The following PLXNA4 variants were observed in gnomAD, a reference collection of about 807,000 sequenced individuals.
PLXNA4 encodes plexin A4, also known as plexin-A4.
In PLXNA4, 44 loss-of-function variants were observed where a neutral mutation model predicts 191.8. The observed-to-expected ratio is 0.23, with a 90% CI of 0.18 to 0.29. The LOEUF is 0.29. PLXNA4 is among the 10% of genes least tolerant of loss of function. The probability of loss-of-function intolerance (pLI) is 1.00; values close to 1 mark genes in which losing one functional copy is unlikely to be tolerated. For missense variants in PLXNA4, 1,800 were observed against 2,488.8 expected (o/e 0.72, Z 5.89); for synonymous variants, 1,082 against 1,009.5 (o/e 1.07, Z -1.36).
intron 4 of PLXNA4, among the ~76,000 whole-genome samples, chr7:132,268,455 A>G (rs1049477975): frequency 2.0e-5 from 3 of 152,142 alleles, no homozygotes; most frequent in Admixed American, 6.5e-5. Flanking sequence ...ACCCTCATCC[A>G]GTTTCACCAT....
intron 2 of PLXNA4, among the ~76,000 whole-genome samples, chr7:132,616,806 C>A (rs146930227): frequency 6.6e-6 from 1 of 152,156 alleles, no homozygotes; most frequent in African/African-American, 2.4e-5. Flanking sequence ...GGCCCTTTCA[C>A]GGGTCATCTC....
In PLXNA4 at chr7:132,211,014, T is replaced by C. The variant is rs1797782338; in HGVS notation, c.2227A>G (p.Ile743Val). ...GQRGYECILN[I>V]QGSEQRVPAL... ...GGCACTCGCTGCTCGCTGCCCTGAA[T>C]GTTGAGGATGCATTCGTAGCCACGC... The change falls in exon 10 of 32, where the codon ATT becomes GTT. Residue 743 changes from isoleucine to valine, a missense_variant. Coordinates refer to ENST00000321063, the MANE Select transcript of PLXNA4 (RefSeq NM_020911.2). 1 of 1,613,972 alleles carries C rather than the reference T, an allele frequency of 6.2e-7. No homozygotes were observed. The highest frequency in any genetic ancestry group is 1.3e-5 in the African/African-American group (1 of 74,912).
intron 31 of PLXNA4, among the ~76,000 whole-genome samples, chr7:132,131,090 C>G (rs1794913518): frequency 6.6e-6 from 1 of 152,176 alleles, no homozygotes; most frequent in South Asian, 2.1e-4. Context: ...TTCACTTTGC[C>G]TGTTAAAAAA....
intron 8 of PLXNA4, 75 bp downstream of exon 8, chr7:132,226,086 A>G: frequency 7.3e-7 from 1 of 1,371,206 alleles, no homozygotes; most frequent in Non-Finnish European, 1.0e-6. Context: ...CCCTGGGAAT[A>G]GTGATGGGGT....
chr7:132,622,610 C>G (rs1395565308), intron 2 of PLXNA4, among the ~76,000 whole-genome samples: 1 of 152,098 alleles, frequency 6.6e-6, no homozygotes, highest in Non-Finnish European at 1.5e-5. Context: ...CTTCCATTTT[C>G]TGGTCCCCAC....
intron 1 of PLXNA4, among the ~76,000 whole-genome samples, chr7:132,562,926 C>T (rs1313347712): frequency 4.5e-5 from 4 of 89,714 alleles, no homozygotes; most frequent in East Asian, 3.7e-4. Flanking sequence ...CCTCCTCCTC[C>T]TCTCCCTCCT....
At chr7:132,309,640 C>T (rs1801653543) in intron 3 of PLXNA4, among the ~76,000 whole-genome samples, 2 of 152,182 alleles carry the variant, frequency 1.3e-5, no homozygotes, top group South Asian at 4.1e-4. Context: ...CCATGTTCCT[C>T]TCCTGCTGGA....
intron 3 of PLXNA4, among the ~76,000 whole-genome samples, chr7:132,302,102 G>A (rs12707032): frequency 0.15 from 22,308 of 152,178 alleles, 2,044 homozygotes; most frequent in Admixed American, 0.28. Flanking sequence ...ATGGGACTTC[G>A]GGCAGTTTGG....
At position 132,484,817 on chromosome 7, in the gene PLXNA4, T is replaced by C. The variant is rs555410851; in HGVS notation, c.1371+4475A>G. 7.4e-6 allele frequency: 12 copies of C among 1,613,994 alleles called. No individual in the cohort carries two copies. The South Asian group carries it at 1.3e-4, about 18-fold the overall frequency. On this transcript the variant is annotated intron_variant, in intron 3 of 31. Transcript: ENST00000321063. ...TGGATTCAAATTTCCAGAGTAATTT[T>C]AGGAAGAATTCCCAGGTACATTTAG... is the stretch of plus-strand genomic sequence containing the variant.
At chr7:132,338,697 GACC>G (rs1802911164) in intron 3 of PLXNA4, among the ~76,000 whole-genome samples, 1 of 152,144 alleles carries the variant, frequency 6.6e-6, no homozygotes, top group Non-Finnish European at 1.5e-5. Context: ...ATTACTTAGT[GACC>G]ACATTATAAA....
At chr7:132,185,709 GT>G (rs973167254) in intron 15 of PLXNA4, among the ~76,000 whole-genome samples, 1 of 152,314 alleles carries the variant, frequency 6.6e-6, no homozygotes, top group East Asian at 1.9e-4. Flanking sequence ...GTCTAGCCTT[GT>G]TTTTTAGCAA....
intron 1 of PLXNA4, among the ~76,000 whole-genome samples, chr7:132,544,177 C>A (rs891996405): frequency 2.6e-5 from 4 of 152,176 alleles, no homozygotes; most frequent in African/African-American, 9.7e-5. Flanking sequence ...AAGCCACAAC[C>A]CACCCATCCT....
intron 4 of PLXNA4, among the ~76,000 whole-genome samples, chr7:132,275,306 C>A (rs1249748455): frequency 1.3e-5 from 2 of 152,114 alleles, no homozygotes; most frequent in Non-Finnish European, 2.9e-5. Context: ...CCCAGCTTCC[C>A]CCAATGGTTA....
intron 2 of PLXNA4, among the ~76,000 whole-genome samples, chr7:132,623,363 TA>T (rs1392428859): frequency 2.0e-5 from 3 of 148,066 alleles, no homozygotes; most frequent in Non-Finnish European, 4.5e-5. Context: ...TAAAATAAAA[TA>T]AAGAAAGAAA....
chr7:132,262,475 G>A (rs1375265581), intron 4 of PLXNA4, among the ~76,000 whole-genome samples: 1 of 152,070 alleles, frequency 6.6e-6, no homozygotes, highest in South Asian at 2.1e-4. Context: ...TTCCATGGAG[G>A]GGGTAAAGAG....
At chr7:132,298,357 C>T (rs376802821) in intron 3 of PLXNA4, 135 bp from the exon 4 acceptor site, 1 of 1,221,674 alleles carries the variant, frequency 8.2e-7, no homozygotes, top group African/African-American at 1.5e-5. Flanking sequence ...AGGCTAAAGC[C>T]AAGGAGTGGA....
chr7:132,441,607 T>C (rs1345183513), intron 3 of PLXNA4, among the ~76,000 whole-genome samples: 2 of 152,226 alleles, frequency 1.3e-5, no homozygotes, highest in African/African-American at 2.4e-5. Flanking sequence ...AAGCTCAGTG[T>C]TTTTAGGTAG....
chr7:132,297,404 C>A (rs990637027), intron 4 of PLXNA4, among the ~76,000 whole-genome samples: 1 of 152,166 alleles, frequency 6.6e-6, no homozygotes, highest in Non-Finnish European at 1.5e-5. Flanking sequence ...CCTTTGCCTG[C>A]TGCAGACATA....
chr7:132,308,825 T>C (rs1438283569), intron 3 of PLXNA4, among the ~76,000 whole-genome samples: 1 of 152,154 alleles, frequency 6.6e-6, no homozygotes, highest in Non-Finnish European at 1.5e-5. Flanking sequence ...TGATTACTAT[T>C]CAAATGAATG....
Sources: allele counts gnomAD v4.1 joint callset (sites outside exome capture counted in the v4.1 genomes callset), GRCh38; gene constraint gnomAD v4.1.1; transcripts MANE v1.5; gene names NCBI Gene and HGNC (gene_info 2026-07-23, HGNC 2026-07-21).